The following NBAS variants were observed in gnomAD, a reference collection of about 807,000 sequenced individuals.
NBAS encodes the protein NBAS subunit of NRZ tethering complex.
A neutral mutation model predicts 302.5 loss-of-function variants in NBAS; 219 were observed. The observed-to-expected ratio is 0.72, with a 90% CI of 0.65 to 0.81. The LOEUF (loss-of-function observed/expected upper bound fraction) is 0.81. NBAS is among the 30% of genes least tolerant of loss of function. The pLI, the probability that NBAS is intolerant of heterozygous loss-of-function variation, is 0.00. For synonymous variants in NBAS, 1,118 were observed against 1,021.6 expected (o/e 1.09, Z -1.80); for missense variants, 2,932 against 2,841.6 (o/e 1.03, Z -0.72).
chr2:15,033,973 A>AGAAG, the NBAS span, among the ~76,000 whole-genome samples: 1 of 93,472 alleles, frequency 1.1e-5, no homozygotes, highest in Non-Finnish European at 2.3e-5. Context: ...AAGAGGAAGA[A>AGAAG]AAGAGGAAGA....
the NBAS span, among the ~76,000 whole-genome samples, chr2:14,854,541 TAAAAA>T: frequency 7.0e-6 from 1 of 142,892 alleles, no homozygotes; most frequent in Non-Finnish European, 1.5e-5. Flanking sequence ...GAGATAAAAT[TAAAAA>T]AAAAAAAGTC....
At chr2:15,088,382 T>C in the NBAS span, among the ~76,000 whole-genome samples, 1 of 152,250 alleles carries the variant, frequency 6.6e-6, no homozygotes, top group South Asian at 2.1e-4. Flanking sequence ...TTTCTGCTCT[T>C]CTTTTCAAAT....
At chr2:15,174,570 G>A (rs1414957638) in intron 51 of NBAS, among the ~76,000 whole-genome samples, 3 of 152,238 alleles carry the variant, frequency 2.0e-5, no homozygotes, top group Non-Finnish European at 4.4e-5. Context: ...AGCACAGCTA[G>A]GCGAGTTGTT....
At chr2:15,541,803 TG>T (rs1272838090) in intron 6 of NBAS, among the ~76,000 whole-genome samples, 6 of 60,630 alleles carry the variant, frequency 9.9e-5, no homozygotes, top group African/African-American at 3.8e-4. Flanking sequence ...GGGAGGGAGG[TG>T]GGGGGGTTCA....
intron 39 of NBAS, among the ~76,000 whole-genome samples, 186 bp from the exon 40 acceptor site, chr2:15,308,539 G>A (rs933272651): frequency 1.3e-5 from 2 of 152,126 alleles, no homozygotes; most frequent in Non-Finnish European, 2.9e-5. Flanking sequence ...CAAATCCTAT[G>A]CAGTAAAAGT....
At chr2:15,339,450 AC>A (rs1672748968) in intron 35 of NBAS, among the ~76,000 whole-genome samples, 1 of 152,134 alleles carries the variant, frequency 6.6e-6, no homozygotes, top group Admixed American at 6.6e-5. Flanking sequence ...AGCAGAACTT[AC>A]CCCACTCATC....
chr2:15,363,044 G>A (rs1674014893), intron 32 of NBAS, among the ~76,000 whole-genome samples: 1 of 152,138 alleles, frequency 6.6e-6, no homozygotes, highest in African/African-American at 2.4e-5. Context: ...GCAACATAGT[G>A]AGACCCCGTC....
Position 15,402,221 on chromosome 2 carries a change from A to C in NBAS, c.3018T>G (p.Asp1006Glu). ...LECIYTCERN[D>E]QLCLCYDLLE... ...GTAGGTCATAGCAAAGACAGAGTTG[A>C]TCATTTCGTTCACAGGTATAGATGC... is the stretch of plus-strand genomic sequence containing the variant. The change falls in exon 26 of 52, where the codon GAT becomes GAG. Residue 1006 changes from aspartate to glutamate, a missense_variant. Physicochemically the swap from Asp to Glu is conservative, Grantham distance 45 (BLOSUM62 2). Transcript: ENST00000281513. 1 of 1,613,668 alleles carries C rather than the reference A, an allele frequency of 6.2e-7. No individual in the cohort carries two copies. The highest frequency in any genetic ancestry group is 8.5e-7 in the Non-Finnish European group (1 of 1,179,704).
chr2:15,108,768 T>C, the NBAS span, among the ~76,000 whole-genome samples: 1 of 152,152 alleles, frequency 6.6e-6, no homozygotes. Context: ...CAATTAATAA[T>C]GAGCATTAGG....
chr2:15,268,967 A>G (rs1317689663), intron 44 of NBAS, among the ~76,000 whole-genome samples: 1 of 152,218 alleles, frequency 6.6e-6, no homozygotes, highest in African/African-American at 2.4e-5. Flanking sequence ...CACGCAGCAA[A>G]GAAAGTGGTC....
rs532483319 is a variant in NBAS, at chr2:15,235,303, A to G, written c.5944-556T>C. Reference sequence around the variant, plus strand: ...GATTGAGTAACATGACCAAAGTCACATGGCTACCAATTAGCAGAGCTAAGA... The same window carrying G: ...GATTGAGTAACATGACCAAAGTCACGTGGCTACCAATTAGCAGAGCTAAGA... On this transcript the variant is annotated intron_variant, in intron 45 of 51. Coordinates refer to ENST00000281513, the MANE Select transcript of NBAS (RefSeq NM_015909.4). Among the ~76,000 whole-genome samples, 3 of 152,222 alleles carry G rather than the reference A, an allele frequency of 2.0e-5. No homozygotes were observed. The East Asian group carries it at 5.8e-4, about 29-fold the overall frequency.
Position 15,275,836 on chromosome 2 carries a change from A to T in NBAS, c.5390-18T>A. 1 of 1,599,918 alleles carries T rather than the reference A, an allele frequency of 6.3e-7. No homozygotes were observed. Among genetic ancestry groups the T allele is most frequent in the Non-Finnish European group, 8.5e-7 (1 of 1,172,182 alleles). ...ATTAAGACCTAGCAGAAAAAAAAAGAAAGTAGGTAAGTGGTTCATTCCAAT... is the reference window on the plus strand; with the variant it reads ...ATTAAGACCTAGCAGAAAAAAAAAGTAAGTAGGTAAGTGGTTCATTCCAAT... On this transcript the variant is annotated intron_variant, in intron 43 of 51. Transcript: ENST00000281513.
the NBAS span, among the ~76,000 whole-genome samples, chr2:15,015,514 T>C: frequency 6.6e-6 from 1 of 152,150 alleles, no homozygotes; most frequent in Non-Finnish European, 1.5e-5. Flanking sequence ...ATACATCGCA[T>C]AACCAGAATA....
the NBAS span, among the ~76,000 whole-genome samples, chr2:15,133,322 G>GT: frequency 8.8e-4 from 134 of 151,878 alleles, no homozygotes; most frequent in African/African-American, 3.1e-3. Flanking sequence ...GGACATAGCG[G>GT]GGGGGGGGCA....
intron 40 of NBAS, among the ~76,000 whole-genome samples, chr2:15,294,438 C>A (rs746265617): frequency 6.6e-6 from 1 of 152,142 alleles, no homozygotes; most frequent in Non-Finnish European, 1.5e-5. Flanking sequence ...GTATTCCTGG[C>A]GACAGATTTA....
At chr2:15,027,002 A>G in the NBAS span, among the ~76,000 whole-genome samples, 1 of 152,060 alleles carries the variant, frequency 6.6e-6, no homozygotes, top group African/African-American at 2.4e-5. Flanking sequence ...ACTTGATTAC[A>G]GTGGTTTTAG....
At chr2:15,414,480 C>T (rs1676824877) in intron 25 of NBAS, among the ~76,000 whole-genome samples, 1 of 152,150 alleles carries the variant, frequency 6.6e-6, no homozygotes, top group South Asian at 2.1e-4. Flanking sequence ...TCTCTTGAAA[C>T]AGTATATTTG....
chr2:14,948,117 A>G, the NBAS span, among the ~76,000 whole-genome samples: 51 of 152,060 alleles, frequency 3.4e-4, no homozygotes, highest in African/African-American at 1.2e-3. Context: ...ACATTTTTGC[A>G]TCTATGATCA....
intron 26 of NBAS, among the ~76,000 whole-genome samples, chr2:15,398,599 T>G (rs1025625837): frequency 9.8e-6 from 1 of 102,306 alleles, no homozygotes; most frequent in Non-Finnish European, 2.3e-5. Flanking sequence ...GCACAAAAAT[T>G]TAATTAGATT....
Sources: gnomAD v4.1 joint callset for allele counts (sites outside exome capture counted in the v4.1 genomes callset) on GRCh38, gnomAD v4.1.1 for gene constraint, MANE v1.5 for transcripts, NCBI Gene and HGNC (gene_info 2026-07-23, HGNC 2026-07-21) for gene names.